Variants in AUTS2 observed in about 807,000 individuals in gnomAD.
The protein encoded by AUTS2 is activator of transcription and developmental regulator AUTS2.
Under a neutral mutation model 112.4 loss-of-function variants are expected in AUTS2, and 17 were observed. The ratio of observed to expected loss-of-function variants is 0.15; its 90% confidence interval spans 0.10 to 0.23. AUTS2 has a LOEUF of 0.23. AUTS2 is among the 10% of genes least tolerant of loss of function. The pLI is 1.00. For synonymous variants in AUTS2, 751 were observed against 702.7 expected, an observed-to-expected ratio of 1.07 and a Z score of -1.09; for missense variants, 1,510 against 1,701.6, an observed-to-expected ratio of 0.89 and a Z score of 1.98.
intron 2 of AUTS2, among the ~76,000 whole-genome samples, chr7:69,914,395 A>AC (rs60830216): frequency 6.0e-5 from 9 of 149,734 alleles, no homozygotes; most frequent in African/African-American, 1.2e-4. Flanking sequence ...ACACACACAC[A>AC]AACAATCCAG....
chr7:70,124,684 C>T (rs1185742484), intron 3 of AUTS2, among the ~76,000 whole-genome samples: 1 of 151,908 alleles, frequency 6.6e-6, no homozygotes, highest in Admixed American at 6.6e-5. Context: ...TGCCTCAGTC[C>T]CCCGAGTAGC....
At chr7:70,409,576 G>A (rs890284905) in intron 4 of AUTS2, among the ~76,000 whole-genome samples, 1 of 152,160 alleles carries the variant, frequency 6.6e-6, no homozygotes, top group Non-Finnish European at 1.5e-5. Context: ...ACTTGAGGAA[G>A]CAATCACTGC....
chr7:70,282,448 T>C (rs962014597), intron 4 of AUTS2, among the ~76,000 whole-genome samples: 3 of 152,192 alleles, frequency 2.0e-5, no homozygotes, highest in Admixed American at 2.0e-4. Flanking sequence ...GTTCACTGTC[T>C]TGTGAGGCCT....
chr7:70,454,436 C>T (rs970944169), intron 5 of AUTS2, among the ~76,000 whole-genome samples: 2 of 152,066 alleles, frequency 1.3e-5, no homozygotes, highest in African/African-American at 2.4e-5. Flanking sequence ...ACTCTGGAGG[C>T]TCAGGCAGGA....
chr7:70,771,310 T>C (rs1190455893), intron 10 of AUTS2: 2 of 345,492 alleles, frequency 5.8e-6, no homozygotes, highest in Non-Finnish European at 1.0e-5. Flanking sequence ...CCCTTTCTAA[T>C]GATGCCCTCA....
At chr7:70,177,401 A>T (rs2129580062) in intron 4 of AUTS2, among the ~76,000 whole-genome samples, 1 of 152,286 alleles carries the variant, frequency 6.6e-6, no homozygotes, top group African/African-American at 2.4e-5. Flanking sequence ...AAACCACCAC[A>T]CCATGATACC....
intron 2 of AUTS2, among the ~76,000 whole-genome samples, chr7:70,088,349 G>A (rs1027484803): frequency 2.0e-5 from 3 of 151,720 alleles, no homozygotes; most frequent in African/African-American, 7.3e-5. Flanking sequence ...GGATCGTCTC[G>A]ATTTCCTGAC....
At chr7:69,956,547 T>G (rs1797218218) in intron 2 of AUTS2, among the ~76,000 whole-genome samples, 1 of 152,126 alleles carries the variant, frequency 6.6e-6, no homozygotes, top group Admixed American at 6.5e-5. Context: ...CCTCAACCCC[T>G]TACGAGATTT....
intron 5 of AUTS2, among the ~76,000 whole-genome samples, chr7:70,471,857 T>C (rs1478974863): frequency 6.6e-6 from 1 of 151,940 alleles, no homozygotes; most frequent in African/African-American, 2.4e-5. Context: ...GTGCAGGCAG[T>C]GTGCACAGGG....
At chr7:70,207,026 A>G (rs970214677) in intron 4 of AUTS2, among the ~76,000 whole-genome samples, 7 of 152,216 alleles carry the variant, frequency 4.6e-5, no homozygotes, top group African/African-American at 1.7e-4. Flanking sequence ...TAGCTAGAAG[A>G]ATACAGTAAT....
At chr7:69,973,911 T>C (rs1797956249) in intron 2 of AUTS2, among the ~76,000 whole-genome samples, 1 of 152,096 alleles carries the variant, frequency 6.6e-6, no homozygotes. Context: ...GTAATGGTTT[T>C]ATTATGAGGA....
chr7:69,796,412 A>G (rs1432938901), intron 1 of AUTS2, among the ~76,000 whole-genome samples: 6 of 152,134 alleles, frequency 3.9e-5, no homozygotes, highest in Non-Finnish European at 7.4e-5. Context: ...AGTCCCAGCT[A>G]CTTGGAAGGC....
intron 1 of AUTS2, among the ~76,000 whole-genome samples, chr7:69,613,256 T>G (rs1428765084): frequency 6.6e-6 from 1 of 152,214 alleles, no homozygotes; most frequent in Non-Finnish European, 1.5e-5. Flanking sequence ...TTCATTGTTG[T>G]GCTGAAAATT....
intron 5 of AUTS2, among the ~76,000 whole-genome samples, chr7:70,469,821 G>C (rs1380387666): frequency 6.6e-6 from 1 of 152,158 alleles, no homozygotes; most frequent in Admixed American, 6.5e-5. Context: ...TTTATTTTTA[G>C]TAGAGATGGG....
intron 2 of AUTS2, among the ~76,000 whole-genome samples, chr7:70,113,364 A>G (rs1317301599): frequency 6.6e-6 from 1 of 152,208 alleles, no homozygotes; most frequent in Non-Finnish European, 1.5e-5. Flanking sequence ...ATAAAATAGT[A>G]CAAATTCTAT....
At chr7:69,713,634 T>A (rs191993164) in intron 1 of AUTS2, among the ~76,000 whole-genome samples, 72 of 152,094 alleles carry the variant, frequency 4.7e-4, no homozygotes, top group African/African-American at 1.7e-3. Context: ...CTCATTATTG[T>A]ATTTTTAGTA....
chr7:70,464,223 A>G (rs1276807797), intron 5 of AUTS2, among the ~76,000 whole-genome samples: 5 of 152,134 alleles, frequency 3.3e-5, no homozygotes, highest in African/African-American at 1.2e-4. Context: ...TTCCATCCCT[A>G]TTATGTGCAC....
chr7:70,495,546 C>T (rs112913171), intron 5 of AUTS2, among the ~76,000 whole-genome samples: 21 of 151,844 alleles, frequency 1.4e-4, no homozygotes, highest in Non-Finnish European at 3.1e-4. Flanking sequence ...CACATAGACA[C>T]ACACCCCCCG....
intron 1 of AUTS2, among the ~76,000 whole-genome samples, chr7:69,603,799 A>G (rs1216451121): frequency 6.6e-6 from 1 of 152,202 alleles, no homozygotes; most frequent in Non-Finnish European, 1.5e-5. Context: ...TTTTCTTAAA[A>G]AGTGGCTTTT....
Sources: allele counts gnomAD v4.1 joint callset (sites outside exome capture counted in the v4.1 genomes callset), GRCh38; gene constraint gnomAD v4.1.1; transcripts MANE v1.5; gene names NCBI Gene and HGNC (gene_info 2026-07-23, HGNC 2026-07-21).